Variants in HDGF observed in about 807,000 individuals in gnomAD.
HDGF encodes heparin binding growth factor, also known as hepatoma-derived growth factor.
In HDGF, 5 loss-of-function variants were observed where a neutral mutation model predicts 30.0. The observed-to-expected ratio is 0.17, with a 90% CI of 0.09 to 0.35. The LOEUF is 0.35. Ranked by LOEUF, HDGF falls within the 10% of genes least tolerant of loss-of-function variation. The pLI is 1.00. For synonymous variants in HDGF, 133 were observed against 112.7 expected, an observed-to-expected ratio of 1.18 and a Z score of -1.14; for missense variants, 214 against 302.8, an observed-to-expected ratio of 0.71 and a Z score of 2.18.
chr1:156,744,417 C>A, intron 3 of HDGF, 69 bp from the exon 4 acceptor site: 2 of 1,591,280 alleles, frequency 1.3e-6, no homozygotes, highest in Non-Finnish European at 1.7e-6. Context: ...CCCAGACCCT[C>A]CCTCAGCCAC....
chr1:156,752,232 A>T (rs777974702), upstream of HDGF: 3 of 1,551,730 alleles, frequency 1.9e-6, no homozygotes, highest in South Asian at 1.2e-5. Context: ...TGCTTACCGT[A>T]TGGGGGGTGG....
At chr1:156,765,425 C>T (rs1203830057) in intron 1 of HDGF, among the ~76,000 whole-genome samples, 4 of 134,490 alleles carry the variant, frequency 3.0e-5, no homozygotes, top group African/African-American at 8.2e-5. Context: ...TTCTTTCTTT[C>T]TCTTTCTTTC....
chr1:156,744,000 C>A (rs1020822398), intron 4 of HDGF, 122 bp from the exon 5 acceptor site: 6 of 1,045,690 alleles, frequency 5.7e-6, no homozygotes, highest in Non-Finnish European at 4.5e-6. Flanking sequence ...ACCCTACTAG[C>A]TGAAATGCCT....
intron 3 of HDGF, chr1:156,744,643 C>T: frequency 5.3e-5 from 46 of 865,634 alleles, no homozygotes; most frequent in Non-Finnish European, 7.2e-5. Flanking sequence ...CCAACCCCCG[C>T]CCCCCACCCT....
In HDGF at chr1:156,744,999, G is replaced by A. The variant is rs957693423; in HGVS notation, c.303+9C>T. On this transcript the variant is annotated intron_variant, in intron 3 of 5. Transcript: ENST00000357325. ...TTCCAGGGGGTCTCTGGGGCAGGCGGTGGCTCACCTGATAGCCGGAAGCCT... is the reference window on the plus strand; with the variant it reads ...TTCCAGGGGGTCTCTGGGGCAGGCGATGGCTCACCTGATAGCCGGAAGCCT... 6.2e-7 allele frequency: 1 copy of A among 1,613,850 alleles called. No individual in the cohort carries two copies. Among genetic ancestry groups the A allele is most frequent in the Admixed American group, 1.7e-5 (1 of 60,000 alleles).
At chr1:156,752,382 G>A, upstream of HDGF, 1 of 1,550,530 alleles carries the variant, frequency 6.4e-7, no homozygotes, top group East Asian at 2.4e-5. Context: ...GTTTCTCTAA[G>A]CTACTGTCTT....
At chr1:156,761,599 ACT>A (rs1651249236) in intron 1 of HDGF, among the ~76,000 whole-genome samples, 4 of 145,080 alleles carry the variant, frequency 2.8e-5, no homozygotes, top group African/African-American at 7.7e-5. Context: ...ACAGAGTGAG[ACT>A]CTGTCTCAAA....
chr1:156,745,861 T>C (rs961850620), intron 1 of HDGF, among the ~76,000 whole-genome samples: 1 of 152,238 alleles, frequency 6.6e-6, no homozygotes. Flanking sequence ...TTGTGCAACT[T>C]ACTGAACATC....
chr1:156,765,161 T>C (rs1651332667), intron 1 of HDGF, among the ~76,000 whole-genome samples: 2 of 149,446 alleles, frequency 1.3e-5, no homozygotes, highest in Non-Finnish European at 3.0e-5. Context: ...GGCGTGATCT[T>C]GGCTCACCAC....
upstream of HDGF, chr1:156,752,398 G>A: frequency 1.3e-6 from 2 of 1,542,654 alleles, no homozygotes; most frequent in South Asian, 2.4e-5. Context: ...GTCTTGCCAA[G>A]GAGACTTGGA....
At chr1:156,748,905 CG>C (rs879341585) in intron 1 of HDGF, among the ~76,000 whole-genome samples, 17 of 152,078 alleles carry the variant, frequency 1.1e-4, no homozygotes, top group Non-Finnish European at 1.8e-4. Flanking sequence ...GAAGGGGCAC[CG>C]GGAGGAAAGA....
chr1:156,751,265 C>T lies in HDGF; in HGVS notation c.87+78G>A. The T allele has an allele frequency of 6.6e-7, 1 of 1,519,678 alleles. No homozygotes were observed. Among genetic ancestry groups the T allele is most frequent in the Non-Finnish European group, 8.9e-7 (1 of 1,127,736 alleles). The allele number at this position is 1,519,678 out of a possible 1,614,324, so 94.1% of individuals were successfully genotyped here. A position where few individuals can be genotyped will look rare whatever the true frequency, so the allele number is the denominator to read the frequency against. On this transcript the variant is annotated intron_variant, in intron 1 of 5. Coordinates refer to ENST00000357325, the MANE Select transcript of HDGF (RefSeq NM_004494.3). This position sits in a 1 kb window ranked among gnomAD's most constrained non-coding sequence, Gnocchi z 4.7. ...TGCCCCCACCTCTGCCCGCTCCGCG[C>T]GGAGCGCTCGTGCCCTTCCCGGTGT...
Position 156,744,149 on chromosome 1 carries a change from C to T in HDGF, c.489+14G>A. ...TGTTGAGGGGGGCCCAGGCCCTGGG[C>T]AGGCAGCAGTTACCTCCAGCAAGTC... is the stretch of plus-strand genomic sequence containing the variant. On this transcript the variant is annotated intron_variant, in intron 4 of 5. Transcript: ENST00000357325. The T allele has an allele frequency of 1.2e-6, 2 of 1,612,988 alleles. No homozygotes were observed. The highest frequency in any genetic ancestry group is 3.3e-4 in the Middle Eastern group (2 of 6,060).
chr1:156,758,973 A>T (rs776305050), intron 2 of HDGF: 1 of 152,374 alleles, frequency 6.6e-6, no homozygotes, highest in Non-Finnish European at 1.5e-5. Context: ...TGGCTGAGTG[A>T]CGTGTGTACC....
intron 1 of HDGF, among the ~76,000 whole-genome samples, chr1:156,764,676 A>T (rs1348923489): frequency 6.6e-6 from 1 of 152,038 alleles, no homozygotes; most frequent in Non-Finnish European, 1.5e-5. Context: ...CTTAGAAAAC[A>T]TTTGTTAAAC....
chr1:156,751,256 C>G lies in HDGF; in HGVS notation c.87+87G>C. 1 of 1,476,952 alleles carries G rather than the reference C, an allele frequency of 6.8e-7. No individual in the cohort carries two copies. Among genetic ancestry groups the G allele is most frequent in the Non-Finnish European group, 9.1e-7 (1 of 1,102,998 alleles). 91.5% of individuals were successfully genotyped at this position (1,476,952 alleles called of 1,614,324 possible). Reference sequence around the variant, plus strand: ...CAAGCCCCCTGCCCCCACCTCTGCCCGCTCCGCGCGGAGCGCTCGTGCCCT... The same window carrying G: ...CAAGCCCCCTGCCCCCACCTCTGCCGGCTCCGCGCGGAGCGCTCGTGCCCT... On this transcript the variant is annotated intron_variant, in intron 1 of 5. Coordinates refer to ENST00000357325, the MANE Select transcript of HDGF (RefSeq NM_004494.3). The surrounding 1 kb of genome is among the most constrained non-coding windows in gnomAD (Gnocchi z 4.7).
At chr1:156,751,939 T>G (rs1558037316), upstream of HDGF, 32 of 1,146,154 alleles carry the variant, frequency 2.8e-5, no homozygotes. This position sits in a 1 kb window ranked among gnomAD's most constrained non-coding sequence, Gnocchi z 4.7. Context: ...GCAGGCTTTG[T>G]GTGCCCGCGG....
chr1:156,759,479 CTTTT>C (rs540212944), intron 1 of HDGF, among the ~76,000 whole-genome samples: 1 of 124,606 alleles, frequency 8.0e-6, no homozygotes, highest in African/African-American at 3.0e-5. Flanking sequence ...ATACCCCATT[CTTTT>C]TTTTTTTTTT....
rs771125481 is a variant in HDGF at position 156,743,913 on chromosome 1, T to G, written c.490-35A>C. On this transcript the variant is annotated intron_variant, in intron 4 of 5. Transcript: ENST00000357325. ...ATCAACAGAGGAAGTGGGCTGAGGC[T>G]GGAGAGGGAGGCCACCAGCCACCCA... The G allele has an allele frequency of 3.3e-6, 5 of 1,535,212 alleles. No individual in the cohort carries two copies. The Admixed American group carries it at 5.0e-5, about 15-fold the overall frequency.
Sources: gnomAD v4.1 joint callset for allele counts (sites outside exome capture counted in the v4.1 genomes callset) on GRCh38, gnomAD v4.1.1 for gene constraint, Gnocchi (gnomAD v3.1) non-coding constraint, MANE v1.5 for transcripts, NCBI Gene and HGNC (gene_info 2026-07-23, HGNC 2026-07-21) for gene names.